RNF141: variants seen among roughly 807,000 people sequenced by gnomAD.
The protein encoded by RNF141 is C3HC4-like zinc finger protein.
In RNF141, 18 loss-of-function variants were observed where a neutral mutation model predicts 27.4. The observed-to-expected ratio is 0.66, with a 90% confidence interval of 0.45 to 0.97. The LOEUF (loss-of-function observed/expected upper bound fraction) is 0.97. RNF141 is among the 50% of genes least tolerant of loss of function. The pLI is 0.00. For missense variants in RNF141, 230 were observed against 279.4 expected (o/e 0.82, Z 1.26); for synonymous variants, 97 against 96.6 (o/e 1.00, Z -0.02).
At chr11:10,537,862 T>C (rs1023563420) in intron 1 of RNF141, among the ~76,000 whole-genome samples, 10 of 152,252 alleles carry the variant, frequency 6.6e-5, no homozygotes, top group Non-Finnish European at 1.5e-4. Context: ...CTTCTAGTAA[T>C]GATAATGTCT....
intron 1 of RNF141, among the ~76,000 whole-genome samples, chr11:10,534,476 GTA>G (rs1020756328): frequency 2.0e-5 from 2 of 98,314 alleles, no homozygotes; most frequent in Non-Finnish European, 4.4e-5. Flanking sequence ...ATGTGCATGT[GTA>G]CACACACACA....
At chr11:10,516,131 C>T (rs961370049) in intron 5 of RNF141, 2 of 152,166 alleles carry the variant, frequency 1.3e-5, no homozygotes, top group East Asian at 3.8e-4. Flanking sequence ...GTGAAAGCTA[C>T]AGCTGGCATA....
rs574514576 is a variant in RNF141 at position 10,526,498 on chromosome 11, A to T, written c.253-1125T>A. Among the ~76,000 whole-genome samples, 139 of 152,286 alleles carry T rather than the reference A, an allele frequency of 9.1e-4. 4 individuals are homozygous for T. In the South Asian group the frequency reaches 0.028, roughly 31 times the overall value. ...AAATACTGAGACTCAAGAATGAGTC[A>T]TGCGGCCAGGCACGGTGGCTCATGC... On this transcript the variant is annotated intron_variant, in intron 3 of 5. Transcript: ENST00000265981.
At chr11:10,519,561 T>C (rs1288720367) in intron 4 of RNF141, among the ~76,000 whole-genome samples, 1 of 152,224 alleles carries the variant, frequency 6.6e-6, no homozygotes, top group Non-Finnish European at 1.5e-5. Flanking sequence ...AATATCATAG[T>C]GTACTTATAC....
intron 1 of RNF141, among the ~76,000 whole-genome samples, chr11:10,539,689 T>TAC (rs1564870271): frequency 1.1e-5 from 1 of 92,250 alleles, no homozygotes; most frequent in African/African-American, 4.3e-5. Context: ...AAAAGATACA[T>TAC]ACATATATAT....
chr11:10,531,796 A>G (rs1291033055), intron 2 of RNF141: 1 of 247,552 alleles, frequency 4.0e-6, no homozygotes, highest in East Asian at 1.3e-4. Context: ...CAGCTAAATA[A>G]AATGAGGCCA....
At chr11:10,522,241 A>G (rs993475815) in intron 4 of RNF141, among the ~76,000 whole-genome samples, 7 of 152,232 alleles carry the variant, frequency 4.6e-5, no homozygotes, top group Admixed American at 1.3e-4. Context: ...AGCAGAGAAT[A>G]TAACTGAATC....
rs551213174 is a variant in RNF141 at position 10,512,095 on chromosome 11, T to C, written c.*2821A>G. On this transcript the variant is annotated 3_prime_UTR_variant, in exon 6 of 6. Transcript: ENST00000265981. ...TAAACCCTCTGTTACTGAGTTAGGA[T>C]AGGGAAAACAAATTCCTTAGAGTTC... The C allele has an allele frequency of 6.6e-6, 1 of 152,634 alleles. No individual in the cohort carries two copies. Among genetic ancestry groups the C allele is most frequent in the Non-Finnish European group, 1.5e-5 (1 of 68,028 alleles). The allele number at this position is 152,634 out of a possible 1,614,324, so 9.5% of individuals were successfully genotyped here. A position where few individuals can be genotyped will look rare whatever the true frequency, so the allele number is the denominator to read the frequency against.
chr11:10,537,623 A>G lies in RNF141; in HGVS notation c.-47-3418T>C, dbSNP rs149956918. On this transcript the variant is annotated intron_variant, in intron 1 of 5. Coordinates refer to ENST00000265981, the MANE Select transcript of RNF141 (RefSeq NM_016422.4). ...GGAGAAAAACACACAAATTTTATTT[A>G]GTAATTTTTATACATACACAGGAGC... Among the ~76,000 whole-genome samples the G allele has an allele frequency of 6.8e-3, 1,040 of 152,350 alleles. 9 individuals are homozygous for G. The highest frequency in any genetic ancestry group is 0.024 in the African/African-American group (991 of 41,586).
At chr11:10,525,171 C>T in intron 4 of RNF141, 21 bp downstream of exon 4, 1 of 1,497,054 alleles carries the variant, frequency 6.7e-7, no homozygotes, top group East Asian at 2.3e-5. Flanking sequence ...AAGTGAAATA[C>T]AATACTTATG....
In RNF141 at chr11:10,518,899, GCCATA is replaced by G. The variant is rs1220393772; in HGVS notation, c.542+130_542+134del. ...AATAGTTTTAACCAGTAGAAGGCAT[GCCATA>G]AAATTCAAAGTACTAAAGAATAAAA... On this transcript the variant is annotated intron_variant, in intron 5 of 5. Transcript: ENST00000265981. The G allele has an allele frequency of 7.0e-6, 4 of 573,300 alleles. No homozygotes were observed. In the East Asian group the frequency reaches 1.2e-4, roughly 17 times the overall value. The allele number at this position is 573,300 out of a possible 1,614,324, so 35.5% of individuals were successfully genotyped here.
Position 10,512,766 on chromosome 11 carries a change from A to T in RNF141, c.*2150T>A, listed in dbSNP as rs970181754. The T allele has an allele frequency of 1.6e-4, 24 of 149,684 alleles. No homozygotes were observed. Among genetic ancestry groups the T allele is most frequent in the South Asian group, 2.2e-4 (1 of 4,480 alleles). The allele number at this position is 149,684 out of a possible 1,614,324, so 9.3% of individuals were successfully genotyped here. A position where few individuals can be genotyped will look rare whatever the true frequency, so the allele number is the denominator to read the frequency against. Reference sequence around the variant, plus strand: ...AATTTGACTTGAATTTAATTAAAAAATTTTTTTAAAAAAAACGACTCCCAC... The same window carrying T: ...AATTTGACTTGAATTTAATTAAAAATTTTTTTTAAAAAAAACGACTCCCAC... On this transcript the variant is annotated 3_prime_UTR_variant, in exon 6 of 6. Transcript: ENST00000265981.
chr11:10,525,498 A>G, intron 3 of RNF141, 125 bp from the exon 4 acceptor site: 1 of 667,636 alleles, frequency 1.5e-6, no homozygotes, highest in Non-Finnish European at 2.5e-6. Flanking sequence ...TTTGCAAATT[A>G]CATAAGAAAG....
rs1849979940 is a variant in RNF141, at chr11:10,530,889, T to C, written c.144-138A>G. 7.8e-6 allele frequency: 4 copies of C among 516,032 alleles called. No homozygotes were observed. In the Admixed American group the frequency reaches 1.1e-4, roughly 14 times the overall value. The allele number at this position is 516,032 out of a possible 1,614,324, so 32.0% of individuals were successfully genotyped here. The stretch of plus-strand genomic sequence containing the variant: ...ACAAAAAGACAAATAATAATGATTA[T>C]AATAACTGGATTCTTAAAACAGGGA... On this transcript the variant is annotated intron_variant, in intron 2 of 5. Transcript: ENST00000265981.
Position 10,539,685 on chromosome 11 carries a change from T to TAC in RNF141, c.-48+1435_-48+1436dup, listed in dbSNP as rs748787045. Among the ~76,000 whole-genome samples, 630 of 91,102 alleles carry TAC rather than the reference T, an allele frequency of 6.9e-3. 35 individuals are homozygous for TAC. The highest frequency in any genetic ancestry group is 9.8e-3 in the Non-Finnish European group (447 of 45,500). The allele number at this position is 91,102 out of a possible 152,430, so 59.8% of individuals were successfully genotyped here. ...ATCAAAGATCTTGATCAGAAAAAGA[T>TAC]ACATACATATATATTAGAGAGAGAA... On this transcript the variant is annotated intron_variant, in intron 1 of 5. Transcript: ENST00000265981.
intron 2 of RNF141, chr11:10,531,821 A>T (rs79708961): frequency 0.023 from 5,553 of 242,736 alleles, 337 homozygotes; most frequent in African/African-American, 0.12. Context: ...AAGTTAAGCA[A>T]CTAGCCTTAG....
intron 5 of RNF141, chr11:10,517,101 A>C (rs1206752163): frequency 6.6e-6 from 1 of 152,206 alleles, no homozygotes; most frequent in Admixed American, 6.5e-5. Flanking sequence ...TTAGCAGATA[A>C]AATGGAAAGT....
At position 10,511,812 on chromosome 11, in the gene RNF141, C is replaced by G. The variant is rs375650940; in HGVS notation, c.*3104G>C. The G allele has an allele frequency of 5.9e-5, 9 of 152,668 alleles. 1 individual carries two copies. The highest frequency in any genetic ancestry group is 2.2e-4 in the African/African-American group (9 of 41,550). The allele number at this position is 152,668 out of a possible 1,614,324, so 9.5% of individuals were successfully genotyped here. ...GTCCAATTTGAAATGAATTTTAAAA[C>G]AGCACACAAACATCACAAGCCCCCA... On this transcript the variant is annotated 3_prime_UTR_variant, in exon 6 of 6. Coordinates refer to ENST00000265981, the MANE Select transcript of RNF141 (RefSeq NM_016422.4).
intron 1 of RNF141, among the ~76,000 whole-genome samples, chr11:10,536,921 C>T (rs576752776): frequency 6.6e-6 from 1 of 152,238 alleles, no homozygotes; most frequent in East Asian, 1.9e-4. Context: ...AGTCTGTATT[C>T]AGCTCTAAGC....
Sources: gnomAD v4.1 joint callset for allele counts (sites outside exome capture counted in the v4.1 genomes callset) on GRCh38, gnomAD v4.1.1 for gene constraint, MANE v1.5 for transcripts, NCBI Gene and HGNC (gene_info 2026-07-23, HGNC 2026-07-21) for gene names.